The following PLB1 variants were observed in gnomAD, a reference collection of about 807,000 sequenced individuals.
PLB1 encodes phospholipase B1, membrane-associated.
A neutral mutation model predicts 227.4 loss-of-function variants in PLB1; 242 were observed. That is an observed-to-expected ratio of 1.06 (90% CI 0.96 to 1.18). The LOEUF (loss-of-function observed/expected upper bound fraction) is 1.18. Ranked by LOEUF, PLB1 falls within the 50% of genes most tolerant of loss-of-function variation. PLB1 has a pLI of 0.00. For synonymous variants in PLB1, 757 were observed against 682.2 expected, an observed-to-expected ratio of 1.11 and a Z score of -1.71; for missense variants, 1,858 against 1,816.3, an observed-to-expected ratio of 1.02 and a Z score of -0.42.
chr2:28,567,618 C>CATG (rs1677244579), intron 20 of PLB1, among the ~76,000 whole-genome samples: 1 of 151,832 alleles, frequency 6.6e-6, no homozygotes, highest in African/African-American at 2.4e-5. Context: ...GGACTACAGG[C>CATG]CCCCGCCACC....
chr2:28,632,891 T>TTG, intron 55 of PLB1, 53 bp from the exon 56 acceptor site: 1 of 1,365,666 alleles, frequency 7.3e-7, no homozygotes, highest in South Asian at 1.2e-5. Flanking sequence ...TGAGTGGGGC[T>TTG]CAGGTAGCAG....
chr2:28,604,880 C>T (rs986420488), intron 41 of PLB1, 121 bp downstream of exon 41: 5 of 906,392 alleles, frequency 5.5e-6, no homozygotes, highest in Admixed American at 2.5e-5. Context: ...AGACGCTGTG[C>T]TGGCAGGTGC....
chr2:28,625,123 C>T lies in PLB1; in HGVS notation c.3579+15C>T, dbSNP rs1351699860. ...AAAACAGCCCCGTGAGTACAGGCCC[C>T]CAGGCCACCCCTGAAAGGTGCCCAT... is the stretch of plus-strand genomic sequence containing the variant. On this transcript the variant is annotated intron_variant, in intron 50 of 57. Coordinates refer to ENST00000327757, the MANE Select transcript of PLB1 (RefSeq NM_153021.5). 3.1e-6 allele frequency: 5 copies of T among 1,608,900 alleles called. No individual in the cohort carries two copies. The highest frequency in any genetic ancestry group is 4.2e-6 in the Non-Finnish European group (5 of 1,176,956).
rs757549805 is a variant in PLB1 at position 28,541,831 on chromosome 2, C to T, written c.879+20C>T. 18 of 1,583,342 alleles carry T rather than the reference C, an allele frequency of 1.1e-5. No homozygotes were observed. The highest frequency in any genetic ancestry group is 5.0e-5 in the Admixed American group (3 of 59,936). On this transcript the variant is annotated intron_variant, in intron 13 of 57. Transcript: ENST00000327757. ...CACTCGGTAAGTGGGGGCTGCATGG[C>T]GTATCAAGAGTGTGGTGGGGGCCGG...
rs1319413635 is a variant in PLB1 at position 28,592,692 on chromosome 2, T to C, written c.2220T>C (p.Val740=). The change falls in exon 32 of 58, where the codon GTT becomes GTC. Residue 740 remains valine (V), a synonymous_variant. Coordinates refer to ENST00000327757, the MANE Select transcript of PLB1 (RefSeq NM_153021.5). ...CCCTGAGACCTGCAGACATCCAAGT[T>C]GTGGCTGCTCTGGGGGATTCTCTGA... is the stretch of plus-strand genomic sequence containing the variant. ...VHALRPADIQ[V]VAALGDSLTA... The C allele has an allele frequency of 6.2e-7, 1 of 1,614,032 alleles. No homozygotes were observed. Among genetic ancestry groups the C allele is most frequent in the African/African-American group, 1.3e-5 (1 of 74,916 alleles).
intron 56 of PLB1, 69 bp downstream of exon 56, chr2:28,633,108 A>G: frequency 7.5e-7 from 1 of 1,338,496 alleles, no homozygotes; most frequent in Non-Finnish European, 1.1e-6. Context: ...CTGTCTCACA[A>G]TGGCAAAACT....
At chr2:28,503,928 G>T (rs770486038) in intron 1 of PLB1, among the ~76,000 whole-genome samples, 2 of 152,196 alleles carry the variant, frequency 1.3e-5, no homozygotes, top group African/African-American at 2.4e-5. Context: ...GGGCATACAG[G>T]ATGAGACGAA....
At chr2:28,496,458 ATTTG>A (rs1666453062) in intron 1 of PLB1, among the ~76,000 whole-genome samples, 1 of 152,134 alleles carries the variant, frequency 6.6e-6, no homozygotes, top group East Asian at 1.9e-4. Context: ...CCTGGATTCT[ATTTG>A]TTTGTGCTTT....
intron 31 of PLB1, 102 bp downstream of exon 31, chr2:28,591,862 G>T: frequency 8.5e-7 from 1 of 1,177,332 alleles, no homozygotes; most frequent in Non-Finnish European, 1.2e-6. Flanking sequence ...ATGGCACAGT[G>T]ACGGCCAGTG....
chr2:28,530,188 C>G (rs1026551839), intron 8 of PLB1, among the ~76,000 whole-genome samples: 3 of 152,066 alleles, frequency 2.0e-5, no homozygotes, highest in Non-Finnish European at 4.4e-5. Flanking sequence ...GAATGGTTTT[C>G]CTTGTGGTCG....
chr2:28,624,972 A>T, intron 49 of PLB1, 85 bp from the exon 50 acceptor site: 2 of 1,250,994 alleles, frequency 1.6e-6, no homozygotes, highest in Non-Finnish European at 2.3e-6. Context: ...TTCTTGAAAC[A>T]CCTCTCTTCC....
chr2:28,618,313 C>T (rs1686483000), intron 45 of PLB1, 28 bp from the exon 46 acceptor site: 1 of 1,611,188 alleles, frequency 6.2e-7, no homozygotes, highest in East Asian at 2.2e-5. Context: ...CCAGCCCCCA[C>T]AACCACCTCT....
At chr2:28,544,274 A>G (rs748362851) in intron 14 of PLB1, among the ~76,000 whole-genome samples, 9 of 152,200 alleles carry the variant, frequency 5.9e-5, no homozygotes, top group Admixed American at 2.0e-4. Context: ...TGCGGGGACT[A>G]TGTCCCCAGA....
At chr2:28,557,526 C>G (rs997152755) in intron 17 of PLB1, among the ~76,000 whole-genome samples, 1 of 152,188 alleles carries the variant, frequency 6.6e-6, no homozygotes, top group African/African-American at 2.4e-5. Flanking sequence ...CCCTAGCATG[C>G]CAAGCCTTTC....
intron 22 of PLB1, among the ~76,000 whole-genome samples, chr2:28,578,722 C>CG (rs1679418976): frequency 6.6e-6 from 1 of 151,936 alleles, no homozygotes. Flanking sequence ...AGGCTTTTTG[C>CG]AGGGGTTTCT....
intron 17 of PLB1, among the ~76,000 whole-genome samples, chr2:28,562,773 C>T (rs1676273721): frequency 2.0e-5 from 3 of 152,112 alleles, no homozygotes; most frequent in African/African-American, 2.4e-5. Context: ...GCGAGCACAG[C>T]TCCCCACTTA....
intron 46 of PLB1, among the ~76,000 whole-genome samples, chr2:28,619,479 T>G (rs1290298407): frequency 6.6e-6 from 1 of 151,894 alleles, no homozygotes; most frequent in East Asian, 1.9e-4. Context: ...TGTTTAAATA[T>G]TTGTATCATT....
intron 26 of PLB1, 82 bp downstream of exon 26, chr2:28,585,924 G>C: frequency 7.6e-7 from 1 of 1,322,114 alleles, no homozygotes; most frequent in Non-Finnish European, 1.1e-6. Context: ...TCAGTGCTTA[G>C]GTAATTTTGA....
At chr2:28,541,353 GACA>G (rs753598592) in intron 12 of PLB1, among the ~76,000 whole-genome samples, 9 of 152,298 alleles carry the variant, frequency 5.9e-5, no homozygotes, top group African/African-American at 1.9e-4. Flanking sequence ...CTCTGGAAAT[GACA>G]ACATTTTTTG....
Sources: gnomAD v4.1 joint callset for allele counts (sites outside exome capture counted in the v4.1 genomes callset) on GRCh38, gnomAD v4.1.1 for gene constraint, MANE v1.5 for transcripts, NCBI Gene and HGNC (gene_info 2026-07-23, HGNC 2026-07-21) for gene names.